Variants in NOD2 observed in about 807,000 individuals in gnomAD.
The protein encoded by NOD2 is nucleotide-binding oligomerization domain-containing protein 2.
Under a neutral mutation model 90.9 loss-of-function variants are expected in NOD2, and 86 were observed. That is an observed-to-expected ratio of 0.95 (90% CI 0.79 to 1.13). NOD2 has a LOEUF of 1.13. Ranked by LOEUF, NOD2 falls within the 50% of genes most tolerant of loss-of-function variation. The pLI, the probability that NOD2 is intolerant of heterozygous loss-of-function variation, is 0.00. For missense variants in NOD2, 1,238 were observed against 1,283.8 expected, an observed-to-expected ratio of 0.96 and a Z score of 0.55; for synonymous variants, 581 against 554.6, an observed-to-expected ratio of 1.05 and a Z score of -0.67.
intron 4 of NOD2, among the ~76,000 whole-genome samples, chr16:50,715,932 A>G (rs1180912801): frequency 6.6e-6 from 1 of 152,086 alleles, no homozygotes; most frequent in Non-Finnish European, 1.5e-5. Context: ...GCTCCAGGGT[A>G]TGGGCCTGAG....
intron 10 of NOD2, among the ~76,000 whole-genome samples, chr16:50,728,659 G>A (rs1368258953): frequency 1.3e-5 from 2 of 152,200 alleles, no homozygotes; most frequent in Non-Finnish European, 2.9e-5. Context: ...ATTACAATTG[G>A]CATTGCCTTA....
chr16:50,701,352 G>A (rs1167942909), intron 2 of NOD2, among the ~76,000 whole-genome samples: 1 of 152,214 alleles, frequency 6.6e-6, no homozygotes, highest in South Asian at 2.1e-4. Flanking sequence ...GAACATTTTA[G>A]TTTTTGTTTT....
At chr16:50,712,620 C>G in intron 4 of NOD2, 1 of 578,206 alleles carries the variant, frequency 1.7e-6, no homozygotes, top group Non-Finnish European at 3.1e-6. Context: ...CATCTAATCT[C>G]TACAACCACC....
chr16:50,712,049 G>A lies in NOD2; in HGVS notation c.2057G>A (p.Arg686His), dbSNP rs104895483. 7.4e-4 allele frequency: 1,191 copies of A among 1,612,962 alleles called. 1 individual carries two copies. The highest frequency in any genetic ancestry group is 8.9e-4 in the Non-Finnish European group (1,047 of 1,179,890). Residue 686 changes from arginine to histidine, a missense_variant, in exon 4 of 12, where the codon CGC (arginine) becomes CAC (histidine). By Grantham distance (29) the Arg-to-His change is conservative. Around this residue, in one of 3 missense-constraint regions of NOD2, gnomAD observed 667 missense variants for 688.7 expected, o/e 0.97. Transcript: ENST00000647318. ...RQACARWCLA[R>H]SLRKHFHSIP... The stretch of plus-strand genomic sequence containing the variant: ...GCCTGTGCCCGCTGGTGTCTGGCCC[G>A]CAGCCTCCGCAAGCACTTCCACTCC...
At chr16:50,723,151 AAAAG>A in intron 8 of NOD2, 146 bp from the exon 9 acceptor site, 1 of 640,084 alleles carries the variant, frequency 1.6e-6, no homozygotes, top group South Asian at 1.8e-5. Flanking sequence ...AAAAAAAAAA[AAAAG>A]AAAAAAGAAA....
At chr16:50,726,108 A>T (rs1196976304) in intron 10 of NOD2, among the ~76,000 whole-genome samples, 1 of 152,082 alleles carries the variant, frequency 6.6e-6, no homozygotes, top group Non-Finnish European at 1.5e-5. Flanking sequence ...AGGTGATGTG[A>T]TGGGGAGTAC....
At position 50,719,911 on chromosome 16, in the gene NOD2, G is replaced by C; in HGVS notation, c.2550-14G>C. On this transcript the variant is annotated splice_polypyrimidine_tract_variant and intron_variant, in intron 6 of 11. Transcript: ENST00000647318. ...CCGCTGTGTTCTCTCAGCCTCCTCT[G>C]TCTTCCCTTCCAGGCTGGGGAATAA... The C allele has an allele frequency of 6.2e-7, 1 of 1,613,480 alleles. No individual in the cohort carries two copies. The highest frequency in any genetic ancestry group is 2.2e-5 in the East Asian group (1 of 44,872).
intron 4 of NOD2, among the ~76,000 whole-genome samples, chr16:50,716,058 G>A (rs1363685040): frequency 6.6e-6 from 1 of 152,118 alleles, no homozygotes; most frequent in Non-Finnish European, 1.5e-5. Flanking sequence ...CTGTTGGAGT[G>A]GTGCCATTGG....
rs1337759230 is a variant in NOD2, at chr16:50,725,529, C to G, written c.2842C>G (p.Leu948Val). 3.7e-6 allele frequency: 6 copies of G among 1,613,994 alleles called. No individual in the cohort carries two copies. Among genetic ancestry groups the G allele is most frequent in the Admixed American group, 1.7e-5 (1 of 60,006 alleles). Residue 948 changes from leucine to valine, a missense_variant, in exon 10 of 12, where the codon CTC becomes GTC. Around this residue, in one of 3 missense-constraint regions of NOD2, gnomAD observed 667 missense variants for 688.7 expected, o/e 0.97. Transcript: ENST00000647318. The stretch of plus-strand genomic sequence containing the variant: ...TCTCCAGGATGAAGGTGTATGTTCT[C>G]TCGCAGAAGGACTGAAGAAAAATTC... ...NHLQDEGVCS[L>V]AEGLKKNSSL...
At chr16:50,722,134 C>T (rs1016413283) in intron 7 of NOD2, among the ~76,000 whole-genome samples, 1 of 152,124 alleles carries the variant, frequency 6.6e-6, no homozygotes, top group Non-Finnish European at 1.5e-5. Flanking sequence ...GGCCCAGAAG[C>T]TGGGGGAGTT....
chr16:50,720,076 G>C, intron 7 of NOD2, 68 bp downstream of exon 7: 1 of 1,442,584 alleles, frequency 6.9e-7, no homozygotes, highest in Non-Finnish European at 9.7e-7. Context: ...TTAGGGGCAG[G>C]TGAAACTCTT....
At chr16:50,718,997 G>A (rs1432182910) in intron 6 of NOD2, among the ~76,000 whole-genome samples, 1 of 152,144 alleles carries the variant, frequency 6.6e-6, no homozygotes, top group Non-Finnish European at 1.5e-5. Context: ...TTGAGACTGG[G>A]CACCTTGGAC....
At chr16:50,730,181 G>A (rs1171158090) in intron 11 of NOD2, among the ~76,000 whole-genome samples, 1 of 152,218 alleles carries the variant, frequency 6.6e-6, no homozygotes, top group African/African-American at 2.4e-5. Context: ...TGTGGTTGAA[G>A]AATGAAAAGA....
intron 1 of NOD2, among the ~76,000 whole-genome samples, chr16:50,695,514 G>A (rs570727999): frequency 9.2e-5 from 14 of 152,108 alleles, no homozygotes; most frequent in Non-Finnish European, 1.8e-4. Flanking sequence ...AGTTAAGGGC[G>A]GAGGTTGGAG....
intron 4 of NOD2, among the ~76,000 whole-genome samples, chr16:50,716,279 A>G (rs1286374517): frequency 6.6e-6 from 1 of 152,132 alleles, no homozygotes; most frequent in Non-Finnish European, 1.5e-5. Context: ...TGTGATTATC[A>G]TGTTCCTTTT....
chr16:50,711,177 G>T lies in NOD2; in HGVS notation c.1185G>T (p.Val395=). The stretch of plus-strand genomic sequence containing the variant: ...ACCTGCTGAAGAATGCCCGCAAGGT[G>T]GTGACCAGCCGTCCGGCCGCTGTGT... The part of the protein sequence containing the change: ...QGNLLKNARK[V]VTSRPAAVSA... The change falls in exon 4 of 12, where the codon GTG becomes GTT. Residue 395 remains valine, a synonymous_variant. Coordinates refer to ENST00000647318, the MANE Select transcript of NOD2 (RefSeq NM_001370466.1). 6.2e-7 allele frequency: 1 copy of T among 1,614,136 alleles called. No individual in the cohort carries two copies. Among genetic ancestry groups the T allele is most frequent in the Non-Finnish European group, 8.5e-7 (1 of 1,180,036 alleles).
At position 50,722,845 on chromosome 16, in the gene NOD2, A is replaced by G. The variant is rs1596901066; in HGVS notation, c.2717+140A>G. The G allele has an allele frequency of 1.1e-5, 9 of 824,410 alleles. No homozygotes were observed. The East Asian group carries it at 2.2e-4, about 20-fold the overall frequency. The allele number at this position is 824,410 out of a possible 1,614,324, so 51.1% of individuals were successfully genotyped here. A position where few individuals can be genotyped will look rare whatever the true frequency, so the allele number is the denominator to read the frequency against. On this transcript the variant is annotated intron_variant, in intron 8 of 11. Transcript: ENST00000647318. ...TGGAGTAAGGAAAAAAGACCATTGG[A>G]TTTCAAGAGAGGACACTCGAGTCTT...
intron 10 of NOD2, chr16:50,727,828 G>T (rs1187298154): frequency 5.4e-6 from 2 of 367,968 alleles, no homozygotes; most frequent in South Asian, 2.2e-5. Flanking sequence ...CATATGTAAT[G>T]GTTTCGCAGG....
At chr16:50,724,909 C>T (rs1276931458) in intron 9 of NOD2, among the ~76,000 whole-genome samples, 2 of 152,206 alleles carry the variant, frequency 1.3e-5, no homozygotes, top group African/African-American at 4.8e-5. Flanking sequence ...CTGTCTCATT[C>T]TCTTCCTGTT....
Sources: gnomAD v4.1 joint callset for allele counts (sites outside exome capture counted in the v4.1 genomes callset) on GRCh38, gnomAD v4.1.1 for gene constraint, gnomAD v4.1.1 regional missense constraint, MANE v1.5 for transcripts, NCBI Gene and HGNC (gene_info 2026-07-23, HGNC 2026-07-21) for gene names.